Variants in SGCZ observed in about 807,000 individuals in gnomAD.
SGCZ encodes the protein sarcoglycan zeta.
SGCZ carries 40 observed loss-of-function variants against 41.3 expected under a neutral mutation model. The ratio of observed to expected loss-of-function variants is 0.97; its 90% CI spans 0.75 to 1.26. The LOEUF (loss-of-function observed/expected upper bound fraction) is 1.26, where lower values mean the gene tolerates loss of function less well. Ranked by LOEUF, SGCZ falls within the 50% of genes most tolerant of loss-of-function variation. The probability of loss-of-function intolerance (pLI) is 0.00; values close to 1 mark genes in which losing one functional copy is unlikely to be tolerated. For missense variants in SGCZ, 552 were observed against 369.8 expected (o/e 1.49, Z -4.04); for synonymous variants, 206 against 137.5 (o/e 1.50, Z -3.49).
At chr8:15,237,052 G>T (rs967495467) in intron 1 of SGCZ, among the ~76,000 whole-genome samples, 1 of 152,194 alleles carries the variant, frequency 6.6e-6, no homozygotes, top group African/African-American at 2.4e-5. Flanking sequence ...AGGGAAAAGG[G>T]GTCTCACGAA....
At position 14,812,911 on chromosome 8, in the gene SGCZ, A is replaced by G. The variant is rs1166145472; in HGVS notation, c.40-257985T>C. Among the ~76,000 whole-genome samples, 4 of 152,204 alleles carry G rather than the reference A, an allele frequency of 2.6e-5. No individual in the cohort carries two copies. The East Asian group carries it at 7.7e-4, about 29-fold the overall frequency. On this transcript the variant is annotated intron_variant, in intron 1 of 7. Transcript: ENST00000382080. ...CTGAGAAAACTCTTCCTTTGAGGAT[A>G]TTCCCTAATGTTCCTGAATAATATG...
chr8:14,972,054 A>T (rs578154369), intron 1 of SGCZ, among the ~76,000 whole-genome samples: 1 of 152,072 alleles, frequency 6.6e-6, no homozygotes, highest in Admixed American at 6.5e-5. Context: ...TCATAGAATG[A>T]GTTGTAGTTT....
intron 1 of SGCZ, among the ~76,000 whole-genome samples, chr8:15,039,656 T>C (rs1049831948): frequency 3.9e-5 from 6 of 152,234 alleles, no homozygotes; most frequent in Non-Finnish European, 8.8e-5. Flanking sequence ...AAGAGTAAAG[T>C]GTATTTCACC....
intron 1 of SGCZ, among the ~76,000 whole-genome samples, chr8:14,622,159 G>C (rs915475619): frequency 2.5e-4 from 38 of 152,202 alleles, no homozygotes; most frequent in Non-Finnish European, 3.7e-4. Flanking sequence ...GCTAGGAAAG[G>C]TAACTTACAT....
chr8:14,214,578 T>C (rs542960534), intron 4 of SGCZ, among the ~76,000 whole-genome samples: 1 of 152,244 alleles, frequency 6.6e-6, no homozygotes, highest in South Asian at 2.1e-4. Flanking sequence ...TATTTATAAA[T>C]AGAGGTTAAC....
At chr8:14,752,122 A>G (rs1290602539) in intron 1 of SGCZ, among the ~76,000 whole-genome samples, 1 of 106,694 alleles carries the variant, frequency 9.4e-6, no homozygotes, top group East Asian at 2.7e-4. Flanking sequence ...AGAAAACAAA[A>G]CAAAAAAGCC....
At chr8:14,603,063 G>T (rs561819158) in intron 1 of SGCZ, among the ~76,000 whole-genome samples, 1 of 152,104 alleles carries the variant, frequency 6.6e-6, no homozygotes, top group African/African-American at 2.4e-5. Context: ...TTCTAGTAGG[G>T]GACTTGACAT....
chr8:14,316,533 G>T (rs1801720592), intron 3 of SGCZ, among the ~76,000 whole-genome samples: 1 of 151,922 alleles, frequency 6.6e-6, no homozygotes, highest in Non-Finnish European at 1.5e-5. Context: ...GTTAATAGAA[G>T]GAAGGATTTG....
At chr8:14,316,358 G>T (rs981894581) in intron 3 of SGCZ, among the ~76,000 whole-genome samples, 1 of 151,626 alleles carries the variant, frequency 6.6e-6, no homozygotes, top group Non-Finnish European at 1.5e-5. Context: ...AATAATAAAA[G>T]AATACATCAC....
intron 3 of SGCZ, among the ~76,000 whole-genome samples, chr8:14,296,805 G>A (rs183062405): frequency 4.0e-5 from 6 of 151,640 alleles, no homozygotes; most frequent in South Asian, 2.1e-4. Flanking sequence ...AAAATTAGAC[G>A]AATTTAAAAA....
chr8:14,618,666 A>C (rs1806185420), intron 1 of SGCZ, among the ~76,000 whole-genome samples: 2 of 152,222 alleles, frequency 1.3e-5, no homozygotes, highest in Admixed American at 1.3e-4. Context: ...ATAACTCTTT[A>C]TGTAGGAAGT....
In SGCZ at chr8:14,332,077, T is replaced by C. The variant is rs1315958331; in HGVS notation, c.235-7873A>G. ...CATATTTTTATTTTAACTATCCACA[T>C]ATCACTAGCCTCAAAGAACATATAT... is the stretch of plus-strand genomic sequence containing the variant. On this transcript the variant is annotated intron_variant, in intron 2 of 7. Transcript: ENST00000382080. 3.3e-5 allele frequency among the ~76,000 whole-genome samples: 5 copies of C among 152,224 alleles called. No homozygotes were observed. The East Asian group carries it at 9.7e-4, about 29-fold the overall frequency.
intron 1 of SGCZ, among the ~76,000 whole-genome samples, chr8:14,902,921 T>C (rs887899759): frequency 2.0e-5 from 3 of 152,144 alleles, no homozygotes; most frequent in Non-Finnish European, 2.9e-5. Flanking sequence ...ACAGAAGGAA[T>C]GTTAGAAAAA....
At chr8:14,674,855 G>A (rs542225405) in intron 1 of SGCZ, among the ~76,000 whole-genome samples, 2 of 148,468 alleles carry the variant, frequency 1.3e-5, no homozygotes, top group African/African-American at 2.5e-5. Flanking sequence ...ATAAAATCTC[G>A]TTGAGGCCTC....
At chr8:15,117,280 A>G (rs368009206) in intron 1 of SGCZ, among the ~76,000 whole-genome samples, 56 of 152,078 alleles carry the variant, frequency 3.7e-4, no homozygotes, top group African/African-American at 1.3e-3. Flanking sequence ...AATGGCGTGA[A>G]CCTGGGAGGG....
intron 2 of SGCZ, among the ~76,000 whole-genome samples, chr8:14,546,301 C>G (rs3848995): frequency 0.61 from 91,982 of 151,966 alleles, 28,102 homozygotes; most frequent in African/African-American, 0.64. Flanking sequence ...GGAATGAATT[C>G]GGAAAATGGA....
intron 1 of SGCZ, among the ~76,000 whole-genome samples, chr8:14,665,036 T>A (rs906883642): frequency 2.6e-5 from 4 of 152,204 alleles, no homozygotes; most frequent in African/African-American, 9.6e-5. Flanking sequence ...AATTATACTC[T>A]AAGTTTTAGG....
chr8:15,064,149 T>C (rs985352111), intron 1 of SGCZ, among the ~76,000 whole-genome samples: 2 of 152,160 alleles, frequency 1.3e-5, no homozygotes, highest in Non-Finnish European at 2.9e-5. Flanking sequence ...ATTTTATTTA[T>C]GGCCATGACA....
chr8:14,615,795 C>T (rs1806080686), intron 1 of SGCZ, among the ~76,000 whole-genome samples: 1 of 152,180 alleles, frequency 6.6e-6, no homozygotes, highest in African/African-American at 2.4e-5. Flanking sequence ...CAACACAGAA[C>T]ATTTACATAT....
Sources: allele counts gnomAD v4.1 joint callset (sites outside exome capture counted in the v4.1 genomes callset), GRCh38; gene constraint gnomAD v4.1.1; transcripts MANE v1.5; gene names NCBI Gene and HGNC (gene_info 2026-07-23, HGNC 2026-07-21).